Variants in AFG2A observed in about 807,000 individuals in gnomAD.
AFG2A encodes AAA ATPase AFG2A.
the AFG2A span, among the ~76,000 whole-genome samples, chr4:122,945,629 C>T: frequency 4.6e-5 from 7 of 152,224 alleles, no homozygotes; most frequent in South Asian, 2.1e-4. Context: ...TGCTTCGGCT[C>T]GCACACGGTG....
At chr4:123,124,379 A>G in the AFG2A span, among the ~76,000 whole-genome samples, 1 of 152,206 alleles carries the variant, frequency 6.6e-6, no homozygotes, top group Non-Finnish European at 1.5e-5. Context: ...TCAGCAAGCT[A>G]TTGCAAGGAC....
the AFG2A span, among the ~76,000 whole-genome samples, chr4:123,132,971 G>A: frequency 6.6e-6 from 1 of 151,890 alleles, no homozygotes. Context: ...TAGTAGAGAC[G>A]GGGTTTCACC....
chr4:123,051,392 C>T, the AFG2A span, among the ~76,000 whole-genome samples: 1 of 151,926 alleles, frequency 6.6e-6, no homozygotes, highest in Non-Finnish European at 1.5e-5. Flanking sequence ...TACACCTTAA[C>T]TTCCTCTCCT....
At chr4:123,240,964 C>T in the AFG2A span, among the ~76,000 whole-genome samples, 2 of 152,042 alleles carry the variant, frequency 1.3e-5, no homozygotes, top group Admixed American at 6.6e-5. Context: ...ACCACCGATC[C>T]CACAGAAATA....
chr4:123,244,364 T>G, the AFG2A span, among the ~76,000 whole-genome samples: 1 of 152,148 alleles, frequency 6.6e-6, no homozygotes. Context: ...CAATGTCTCT[T>G]TGGGGTGAGA....
chr4:123,072,749 A>G, the AFG2A span, among the ~76,000 whole-genome samples: 1 of 152,174 alleles, frequency 6.6e-6, no homozygotes, highest in Non-Finnish European at 1.5e-5. Context: ...CAAGAAGTCC[A>G]GTCTAACATG....
At chr4:123,101,500 T>A in the AFG2A span, among the ~76,000 whole-genome samples, 1 of 151,986 alleles carries the variant, frequency 6.6e-6, no homozygotes, top group Non-Finnish European at 1.5e-5. Context: ...CCATAGATAT[T>A]TAAAACCAGC....
the AFG2A span, among the ~76,000 whole-genome samples, chr4:123,236,406 C>G: frequency 6.6e-6 from 1 of 152,112 alleles, no homozygotes; most frequent in Non-Finnish European, 1.5e-5. Context: ...TTTTTTAACG[C>G]TTGAAATAGT....
At chr4:123,090,360 A>G in the AFG2A span, among the ~76,000 whole-genome samples, 1 of 152,176 alleles carries the variant, frequency 6.6e-6, no homozygotes, top group African/African-American at 2.4e-5. Context: ...TTGTTTTGGA[A>G]TGAAAATGAA....
the AFG2A span, among the ~76,000 whole-genome samples, chr4:122,985,807 T>C: frequency 1.3e-3 from 191 of 151,558 alleles, no homozygotes; most frequent in African/African-American, 4.4e-3. Context: ...TCCTTTCTTC[T>C]GCTTGGTTTG....
the AFG2A span, among the ~76,000 whole-genome samples, chr4:122,940,955 A>G: frequency 1.3e-5 from 2 of 151,578 alleles, no homozygotes; most frequent in South Asian, 2.1e-4. Context: ...GATATGTGGC[A>G]TTATTTCTGA....
the AFG2A span, among the ~76,000 whole-genome samples, chr4:123,098,644 C>T: frequency 6.6e-6 from 1 of 152,000 alleles, no homozygotes; most frequent in East Asian, 1.9e-4. Context: ...TGGCTTATTT[C>T]ACTTAGCATA....
the AFG2A span, among the ~76,000 whole-genome samples, chr4:123,198,080 C>T: frequency 2.6e-5 from 4 of 152,052 alleles, no homozygotes; most frequent in East Asian, 1.9e-4. Context: ...ACCAGCCTGG[C>T]GAACACAGTG....
chr4:123,049,143 G>T, the AFG2A span, among the ~76,000 whole-genome samples: 1 of 152,104 alleles, frequency 6.6e-6, no homozygotes, highest in African/African-American at 2.4e-5. Flanking sequence ...CCTTGATTCT[G>T]TTAATGCAGT....
chr4:123,111,569 T>C, the AFG2A span, among the ~76,000 whole-genome samples: 1 of 152,182 alleles, frequency 6.6e-6, no homozygotes, highest in Non-Finnish European at 1.5e-5. Flanking sequence ...TTCTATGTCT[T>C]ATCATGAATT....
At chr4:123,013,195 C>T in the AFG2A span, among the ~76,000 whole-genome samples, 1 of 151,974 alleles carries the variant, frequency 6.6e-6, no homozygotes, top group South Asian at 2.1e-4. Flanking sequence ...CCAGGATGAA[C>T]CAGGAGAAGG....
At chr4:123,155,353 C>G in the AFG2A span, among the ~76,000 whole-genome samples, 1 of 152,124 alleles carries the variant, frequency 6.6e-6, no homozygotes, top group Non-Finnish European at 1.5e-5. Context: ...GCTAGGGTTA[C>G]AAGCATAAGC....
At chr4:123,025,138 G>C in the AFG2A span, among the ~76,000 whole-genome samples, 1 of 152,158 alleles carries the variant, frequency 6.6e-6, no homozygotes, top group African/African-American at 2.4e-5. Flanking sequence ...ACACTAGAAG[G>C]ACTGTATGGT....
the AFG2A span, among the ~76,000 whole-genome samples, chr4:123,140,310 G>A: frequency 1.6e-4 from 25 of 152,016 alleles, no homozygotes; most frequent in African/African-American, 4.8e-4. Context: ...AGTGCTAGAT[G>A]TACATAGCTT....
Sources: allele counts gnomAD v4.1 joint callset (sites outside exome capture counted in the v4.1 genomes callset), GRCh38; gene constraint gnomAD v4.1.1; transcripts MANE v1.5; gene names NCBI Gene and HGNC (gene_info 2026-07-23, HGNC 2026-07-21).